PGCKA1: variants seen among roughly 807,000 people sequenced by gnomAD.
The protein encoded by PGCKA1 is PDCD10 and GCKIII kinases-associated protein 1.
At chr4:37,586,791 T>C in the PGCKA1 span, among the ~76,000 whole-genome samples, 1 of 152,106 alleles carries the variant, frequency 6.6e-6, no homozygotes, top group African/African-American at 2.4e-5. Flanking sequence ...GCACCTGTAA[T>C]CCCAGCTACT....
the PGCKA1 span, among the ~76,000 whole-genome samples, chr4:37,586,254 C>T: frequency 2.0e-5 from 3 of 152,142 alleles, no homozygotes; most frequent in African/African-American, 4.8e-5. Context: ...CTGGGCGACA[C>T]GGCTGGCACA....
chr4:37,590,157 T>A, the PGCKA1 span: 1 of 1,614,178 alleles, frequency 6.2e-7, no homozygotes, highest in South Asian at 1.1e-5. Flanking sequence ...GCAAGCTAGA[T>A]GAAGACGACA....
At chr4:37,460,453 A>C in the PGCKA1 span, 3 of 369,170 alleles carry the variant, frequency 8.1e-6, no homozygotes, top group South Asian at 6.2e-5. Flanking sequence ...CATTCCCACC[A>C]CCAGTGTTAA....
At chr4:37,483,708 T>C in the PGCKA1 span, among the ~76,000 whole-genome samples, 3 of 152,166 alleles carry the variant, frequency 2.0e-5, no homozygotes, top group Non-Finnish European at 4.4e-5. Flanking sequence ...GGATTTTTTT[T>C]CCTAATGATA....
At chr4:37,455,784 C>T in the PGCKA1 span, among the ~76,000 whole-genome samples, 193 of 152,330 alleles carry the variant, frequency 1.3e-3, 1 homozygote, top group African/African-American at 3.9e-3. Context: ...AATCCATTTG[C>T]AGCCCAAGGG....
chr4:37,544,484 G>C, the PGCKA1 span, among the ~76,000 whole-genome samples: 1 of 147,598 alleles, frequency 6.8e-6, no homozygotes, highest in Non-Finnish European at 1.5e-5. Context: ...TTGGATACTG[G>C]ATGTCCTGGA....
the PGCKA1 span, chr4:37,460,596 C>CT: frequency 4.4e-5 from 20 of 452,644 alleles, no homozygotes; most frequent in South Asian, 2.4e-4. Flanking sequence ...CAGTGATGAG[C>CT]TTTTTTTATA....
At chr4:37,488,073 C>T in the PGCKA1 span, among the ~76,000 whole-genome samples, 4 of 152,080 alleles carry the variant, frequency 2.6e-5, no homozygotes, top group Non-Finnish European at 5.9e-5. Context: ...ATTGCTAGGT[C>T]ATAGAGTTGT....
chr4:37,574,361 A>G, the PGCKA1 span, among the ~76,000 whole-genome samples: 3 of 152,184 alleles, frequency 2.0e-5, no homozygotes, highest in African/African-American at 7.2e-5. Context: ...GGTCTCTTGA[A>G]TAATTCCAAC....
the PGCKA1 span, among the ~76,000 whole-genome samples, chr4:37,488,320 A>G: frequency 1.3e-5 from 2 of 152,220 alleles, no homozygotes; most frequent in African/African-American, 4.8e-5. Flanking sequence ...TTAGTGGGAG[A>G]ATCAAGATTT....
the PGCKA1 span, among the ~76,000 whole-genome samples, chr4:37,481,517 G>T: frequency 0.19 from 18,532 of 97,628 alleles, 1,583 homozygotes; most frequent in East Asian, 0.37. Flanking sequence ...CAAGATCAAG[G>T]TATCAGCAGG....
At chr4:37,496,148 T>G in the PGCKA1 span, among the ~76,000 whole-genome samples, 4 of 152,248 alleles carry the variant, frequency 2.6e-5, no homozygotes, top group African/African-American at 9.6e-5. Flanking sequence ...CAACCTTTGC[T>G]TTTGTTGCGA....
the PGCKA1 span, chr4:37,461,167 A>G: frequency 2.9e-5 from 5 of 171,462 alleles, no homozygotes; most frequent in African/African-American, 1.2e-4. Flanking sequence ...CTTATTTCTG[A>G]GGTCTCTATA....
At chr4:37,528,432 T>C in the PGCKA1 span, among the ~76,000 whole-genome samples, 1 of 152,332 alleles carries the variant, frequency 6.6e-6, no homozygotes, top group African/African-American at 2.4e-5. Context: ...TTGCTTTTAA[T>C]GATTGCATAA....
chr4:37,544,172 T>C, the PGCKA1 span, among the ~76,000 whole-genome samples: 1 of 152,202 alleles, frequency 6.6e-6, no homozygotes, highest in Non-Finnish European at 1.5e-5. Flanking sequence ...GAATTATTTG[T>C]GTGTATATAT....
At chr4:37,525,601 G>A in the PGCKA1 span, among the ~76,000 whole-genome samples, 1 of 152,140 alleles carries the variant, frequency 6.6e-6, no homozygotes, top group Non-Finnish European at 1.5e-5. Flanking sequence ...CCACCACTCT[G>A]CAGAAAATAT....
chr4:37,531,870 C>T, the PGCKA1 span, among the ~76,000 whole-genome samples: 11,763 of 121,494 alleles, frequency 0.097, 613 homozygotes, highest in Middle Eastern at 0.22. Flanking sequence ...CCAGCCTGGG[C>T]GAAAGAGCTA....
chr4:37,568,994 G>A, the PGCKA1 span, among the ~76,000 whole-genome samples: 1 of 151,792 alleles, frequency 6.6e-6, no homozygotes, highest in East Asian at 2.0e-4. Flanking sequence ...CTACTCAGGA[G>A]GCTGAGGTGG....
the PGCKA1 span, among the ~76,000 whole-genome samples, chr4:37,525,671 A>G: frequency 1.2e-4 from 18 of 152,198 alleles, no homozygotes; most frequent in African/African-American, 4.3e-4. Flanking sequence ...ATTCAGCATC[A>G]GGCACCAGAA....
Sources: gnomAD v4.1 joint callset for allele counts (sites outside exome capture counted in the v4.1 genomes callset) on GRCh38, gnomAD v4.1.1 for gene constraint, MANE v1.5 for transcripts, NCBI Gene and HGNC (gene_info 2026-07-23, HGNC 2026-07-21) for gene names.